OR8B3: variants seen among roughly 807,000 people sequenced by gnomAD.
OR8B3 encodes the protein olfactory receptor 8B3.
For missense variants in OR8B3, 278 were observed against 377.6 expected (o/e 0.74, Z 2.19); for synonymous variants, 102 against 135.4 (o/e 0.75, Z 1.71).
Position 124,396,794 on chromosome 11 carries a change from C to T in OR8B3, c.558G>A (p.Gln186=). 6.2e-7 allele frequency: 1 copy of T among 1,611,922 alleles called. No individual in the cohort carries two copies. The highest frequency in any genetic ancestry group is 8.5e-7 in the Non-Finnish European group (1 of 1,178,710). Residue 186 remains glutamine (Q), a synonymous_variant, in exon 2 of 2, where the codon CAG becomes CAA. Transcript: ENST00000641139. ...HYLCDILPLL[Q]LSCTSTYVNE... is the part of the protein sequence containing the mutation. The stretch of plus-strand genomic sequence containing the variant: ...TGACATAGGTGCTGGTGCAGGAAAG[C>T]TGGAGGAGGGGGAGTATGTCACACA...
At chr11:124,407,843 T>A in the OR8B3 span, among the ~76,000 whole-genome samples, 1 of 152,150 alleles carries the variant, frequency 6.6e-6, no homozygotes, top group East Asian at 1.9e-4. Context: ...ATTGATACAA[T>A]ATGTGTACTG....
chr11:124,396,332 A>G lies in OR8B3; in HGVS notation c.*78T>C. 1 of 1,220,588 alleles carries G rather than the reference A, an allele frequency of 8.2e-7. No individual in the cohort carries two copies. Among genetic ancestry groups the G allele is most frequent in the Non-Finnish European group, 1.1e-6 (1 of 884,352 alleles). The allele number at this position is 1,220,588 out of a possible 1,614,324, so 75.6% of individuals were successfully genotyped here. On this transcript the variant is annotated 3_prime_UTR_variant, in exon 2 of 2. Transcript: ENST00000641139. ...AATCACACATAACACCATCTGTAGA[A>G]ACAACAAAATCTCTTCATGGAACAC... is the stretch of plus-strand genomic sequence containing the variant.
At chr11:124,408,845 A>G in the OR8B3 span, among the ~76,000 whole-genome samples, 1 of 152,278 alleles carries the variant, frequency 6.6e-6, no homozygotes, top group Non-Finnish European at 1.5e-5. Context: ...CCCCTTTTCT[A>G]GAAATTTCTG....
At chr11:124,402,816 A>G (rs530418165), upstream of OR8B3, among the ~76,000 whole-genome samples, 5 of 148,368 alleles carry the variant, frequency 3.4e-5, no homozygotes, top group South Asian at 1.1e-3. Context: ...TACCTAATAA[A>G]TGTATATAAA....
upstream of OR8B3, among the ~76,000 whole-genome samples, chr11:124,400,767 G>A (rs1860981366): frequency 6.6e-6 from 1 of 151,562 alleles, no homozygotes; most frequent in Admixed American, 6.6e-5. Flanking sequence ...CGAACTCCTG[G>A]GCTCAAACAA....
In OR8B3 at chr11:124,396,569, T is replaced by C; in HGVS notation, c.783A>G (p.Lys261=). The C allele has an allele frequency of 6.2e-7, 1 of 1,613,496 alleles. No homozygotes were observed. The highest frequency in any genetic ancestry group is 8.5e-7 in the Non-Finnish European group (1 of 1,179,786). ...FFGSAAFMYI[K]YSSGSMEQGK... is the part of the protein sequence containing the mutation. ...CCTGCTCCATAGATCCAGAAGAATA[T>C]TTAATATACATGAATGCCGCTGACC... is the stretch of plus-strand genomic sequence containing the variant. The change falls in exon 2 of 2, where the codon AAA becomes AAG. Residue 261 remains lysine (K), a synonymous_variant. Transcript: ENST00000641139.
At chr11:124,401,623 A>C (rs1176927683), upstream of OR8B3, among the ~76,000 whole-genome samples, 3 of 152,232 alleles carry the variant, frequency 2.0e-5, no homozygotes, top group African/African-American at 7.2e-5. Flanking sequence ...AAAATAACAA[A>C]GAAGCTCTAA....
At chr11:124,401,192 G>C (rs1299438812), upstream of OR8B3, among the ~76,000 whole-genome samples, 2 of 143,902 alleles carry the variant, frequency 1.4e-5, no homozygotes, top group Non-Finnish European at 3.0e-5. Context: ...CCTTCTTGCT[G>C]TATTATCACA....
upstream of OR8B3, among the ~76,000 whole-genome samples, chr11:124,400,181 A>T (rs891214371): frequency 2.0e-5 from 3 of 152,152 alleles, no homozygotes; most frequent in African/African-American, 7.2e-5. Context: ...ATCTTAAAAG[A>T]GATGTATAAA....
chr11:124,406,793 CCACA>C, the OR8B3 span, among the ~76,000 whole-genome samples: 9,503 of 145,080 alleles, frequency 0.066, 759 homozygotes, highest in African/African-American at 0.19. Flanking sequence ...CTCCTTCTCA[CCACA>C]CACACACACA....
At position 124,396,560 on chromosome 11, in the gene OR8B3, A is replaced by T. The variant is rs748583886; in HGVS notation, c.792T>A (p.Ser264=). The T allele has an allele frequency of 3.1e-6, 5 of 1,613,724 alleles. No individual in the cohort carries two copies. Among genetic ancestry groups the T allele is most frequent in the Non-Finnish European group, 4.2e-6 (5 of 1,179,842 alleles). ...AAACTTTTCCCTGCTCCATAGATCC[A>T]GAAGAATATTTAATATACATGAATG... The part of the protein sequence containing the change: ...SAAFMYIKYS[S]GSMEQGKVSS... The change falls in exon 2 of 2, where the codon TCT becomes TCA. Residue 264 remains serine, a synonymous_variant. Coordinates refer to ENST00000641139, the MANE Select transcript of OR8B3 (RefSeq NM_001005467.2).
At chr11:124,397,725 T>G (rs1215227264) in intron 1 of OR8B3, among the ~76,000 whole-genome samples, 4 of 151,798 alleles carry the variant, frequency 2.6e-5, no homozygotes. Context: ...AGATGGAGTT[T>G]CACGCTTGTT....
the OR8B3 span, among the ~76,000 whole-genome samples, chr11:124,405,474 A>T: frequency 6.6e-6 from 1 of 152,132 alleles, no homozygotes; most frequent in Non-Finnish European, 1.5e-5. Context: ...GATGATTTAG[A>T]CATTCGTCGT....
rs1372797469 is a variant in OR8B3 at position 124,398,753 on chromosome 11, A to C, written c.-81T>G. 1 of 152,256 alleles carries C rather than the reference A, an allele frequency of 6.6e-6. No individual in the cohort carries two copies. The highest frequency in any genetic ancestry group is 2.4e-5 in the African/African-American group (1 of 41,462). The allele number at this position is 152,256 out of a possible 1,614,324, so 9.4% of individuals were successfully genotyped here. A position where few individuals can be genotyped will look rare whatever the true frequency, so the allele number is the denominator to read the frequency against. Reference sequence around the variant, plus strand: ...ATGTGTTTCACCTCCACTGCCCTGGAGGAAGAAATGGCTGTGAAGGTATCT... The same window carrying C: ...ATGTGTTTCACCTCCACTGCCCTGGCGGAAGAAATGGCTGTGAAGGTATCT... On this transcript the variant is annotated 5_prime_UTR_variant, in exon 1 of 2. Coordinates refer to ENST00000641139, the MANE Select transcript of OR8B3 (RefSeq NM_001005467.2).
At chr11:124,400,492 C>G (rs974275263), upstream of OR8B3, among the ~76,000 whole-genome samples, 1 of 152,054 alleles carries the variant, frequency 6.6e-6, no homozygotes, top group African/African-American at 2.4e-5. Context: ...CCCTCACCCC[C>G]AGCCTCTGGT....
At chr11:124,404,623 C>T in the OR8B3 span, 4 of 152,176 alleles carry the variant, frequency 2.6e-5, no homozygotes, top group African/African-American at 4.8e-5. Context: ...CGCTGTAATA[C>T]AAGAATATGA....
At chr11:124,409,396 T>C in the OR8B3 span, among the ~76,000 whole-genome samples, 38 of 152,360 alleles carry the variant, frequency 2.5e-4, no homozygotes, top group South Asian at 7.0e-3. Context: ...CCTTGGTTGA[T>C]ACCTGTGTAA....
At chr11:124,404,346 G>A in the OR8B3 span, 1 of 151,554 alleles carries the variant, frequency 6.6e-6, no homozygotes, top group South Asian at 2.1e-4. Context: ...CCTTTAAGGA[G>A]CATTTTTCCT....
At chr11:124,398,140 A>G (rs1367563832) in intron 1 of OR8B3, among the ~76,000 whole-genome samples, 1 of 152,200 alleles carries the variant, frequency 6.6e-6, no homozygotes, top group East Asian at 1.9e-4. Context: ...TAGGGTTTCT[A>G]GATACCTTAC....
Sources: allele counts gnomAD v4.1 joint callset (sites outside exome capture counted in the v4.1 genomes callset), GRCh38; gene constraint gnomAD v4.1.1; transcripts MANE v1.5; gene names NCBI Gene and HGNC (gene_info 2026-07-23, HGNC 2026-07-21).